Variants in CYP7B1 observed in about 807,000 individuals in gnomAD.
CYP7B1 encodes the protein cytochrome P450 7B1.
CYP7B1 carries 29 observed loss-of-function variants against 42.7 expected under a neutral mutation model. The ratio of observed to expected loss-of-function variants is 0.68; its 90% CI spans 0.51 to 0.93. The LOEUF (loss-of-function observed/expected upper bound fraction) is 0.93. Ranked by LOEUF, CYP7B1 falls within the 40% of genes least tolerant of loss-of-function variation. CYP7B1 has a pLI of 0.00. For missense variants in CYP7B1, 655 were observed against 600.5 expected (o/e 1.09, Z -0.95); for synonymous variants, 235 against 218.2 (o/e 1.08, Z -0.68).
At chr8:64,673,073 A>T (rs1244748662) in intron 1 of CYP7B1, among the ~76,000 whole-genome samples, 3 of 152,164 alleles carry the variant, frequency 2.0e-5, no homozygotes, top group Non-Finnish European at 2.9e-5. Context: ...TAAAGGCACA[A>T]GCTACATACC....
At chr8:64,598,944 TATTTGCA>T (rs1408008332) in intron 5 of CYP7B1, among the ~76,000 whole-genome samples, 2 of 152,242 alleles carry the variant, frequency 1.3e-5, no homozygotes, top group Admixed American at 1.3e-4. Flanking sequence ...AGTTAAAATT[TATTTGCA>T]ATTTGCCCTA....
intron 1 of CYP7B1, among the ~76,000 whole-genome samples, chr8:64,682,671 C>T (rs1806556798): frequency 6.6e-6 from 1 of 152,168 alleles, no homozygotes; most frequent in African/African-American, 2.4e-5. Flanking sequence ...ACTCAGTTTT[C>T]AAACATCTGC....
chr8:64,794,689 T>A (rs182507926), intron 1 of CYP7B1, among the ~76,000 whole-genome samples: 203 of 152,308 alleles, frequency 1.3e-3, no homozygotes, highest in Non-Finnish European at 1.3e-3. Flanking sequence ...ACCATCACCT[T>A]GGGAGTTAGG....
chr8:64,690,820 T>A (rs1377216575), intron 1 of CYP7B1, among the ~76,000 whole-genome samples: 1 of 152,206 alleles, frequency 6.6e-6, no homozygotes, highest in Non-Finnish European at 1.5e-5. Context: ...GATACAAACA[T>A]CCCCAGGCAT....
chr8:64,618,620 GTCTC>G (rs1246377676), intron 2 of CYP7B1, among the ~76,000 whole-genome samples: 4 of 120,092 alleles, frequency 3.3e-5, no homozygotes, highest in African/African-American at 6.8e-5. Context: ...CTCTCCCTCT[GTCTC>G]TCTATTTCCT....
At chr8:64,589,646 T>C (rs1322199075), downstream of CYP7B1, among the ~76,000 whole-genome samples, 1 of 152,322 alleles carries the variant, frequency 6.6e-6, no homozygotes, top group East Asian at 1.9e-4. Flanking sequence ...ATGACACAGA[T>C]TTTTTGGTAA....
At chr8:64,666,387 A>T (rs1274814104) in intron 1 of CYP7B1, among the ~76,000 whole-genome samples, 1 of 152,206 alleles carries the variant, frequency 6.6e-6, no homozygotes, top group Admixed American at 6.5e-5. Flanking sequence ...TAACAAAAAA[A>T]TTTTAAAATA....
At chr8:64,738,879 G>C (rs112902428) in intron 1 of CYP7B1, among the ~76,000 whole-genome samples, 1 of 152,052 alleles carries the variant, frequency 6.6e-6, no homozygotes, top group African/African-American at 2.4e-5. Flanking sequence ...ACAAATTCCT[G>C]GGGGGTGAGT....
chr8:64,698,048 G>A (rs1054822693), intron 1 of CYP7B1, among the ~76,000 whole-genome samples: 9 of 152,148 alleles, frequency 5.9e-5, no homozygotes, highest in African/African-American at 2.2e-4. Context: ...AATGTTCAAC[G>A]TATACAAGAG....
intron 1 of CYP7B1, among the ~76,000 whole-genome samples, chr8:64,692,845 C>T (rs1806768528): frequency 6.6e-6 from 1 of 152,192 alleles, no homozygotes; most frequent in African/African-American, 2.4e-5. Flanking sequence ...TTCTGTAATT[C>T]TTCCAAACTG....
chr8:64,770,244 CA>C (rs1018941191), intron 1 of CYP7B1, among the ~76,000 whole-genome samples: 7 of 150,880 alleles, frequency 4.6e-5, no homozygotes, highest in African/African-American at 1.2e-4. Context: ...CTCTAAATCT[CA>C]AAAAAAAATT....
At chr8:64,710,763 G>T (rs935815901) in intron 1 of CYP7B1, among the ~76,000 whole-genome samples, 4 of 150,256 alleles carry the variant, frequency 2.7e-5, no homozygotes, top group Admixed American at 2.7e-4. Context: ...AATATAAATT[G>T]TATAAAAAGT....
At chr8:64,648,579 C>T (rs1050023895) in intron 1 of CYP7B1, among the ~76,000 whole-genome samples, 4 of 152,182 alleles carry the variant, frequency 2.6e-5, no homozygotes, top group African/African-American at 9.7e-5. Context: ...CCTTTGCTCA[C>T]TGCTATCTCT....
intron 1 of CYP7B1, among the ~76,000 whole-genome samples, chr8:64,648,653 A>G (rs1461582791): frequency 6.6e-6 from 1 of 152,336 alleles, no homozygotes; most frequent in Non-Finnish European, 1.5e-5. Flanking sequence ...GCCTCTGCTG[A>G]TAACTGGCAA....
chr8:64,790,893 T>C (rs1585916899), intron 1 of CYP7B1, among the ~76,000 whole-genome samples: 1 of 152,190 alleles, frequency 6.6e-6, no homozygotes, highest in African/African-American at 2.4e-5. Flanking sequence ...GTGGTCCTAC[T>C]GCAGTAGGGT....
intron 1 of CYP7B1, among the ~76,000 whole-genome samples, chr8:64,752,308 G>A (rs1362074535): frequency 6.6e-6 from 1 of 152,004 alleles, no homozygotes; most frequent in East Asian, 1.9e-4. Flanking sequence ...CTTACAAACA[G>A]GTCTACATAT....
At chr8:64,723,889 C>T (rs774396291) in intron 1 of CYP7B1, among the ~76,000 whole-genome samples, 3 of 152,006 alleles carry the variant, frequency 2.0e-5, no homozygotes, top group African/African-American at 4.8e-5. Context: ...TCTGTTAAAG[C>T]TACACCAGTT....
intron 1 of CYP7B1, among the ~76,000 whole-genome samples, chr8:64,702,414 T>C (rs1322199715): frequency 6.6e-6 from 1 of 152,122 alleles, no homozygotes; most frequent in Non-Finnish European, 1.5e-5. Flanking sequence ...AGGTCATTCA[T>C]TACTGAAAAC....
chr8:64,599,228 G>A (rs1366331261), intron 5 of CYP7B1, among the ~76,000 whole-genome samples: 6 of 151,616 alleles, frequency 4.0e-5, no homozygotes, highest in South Asian at 2.1e-4. Context: ...TCGCTCTGTC[G>A]CCCAGGTTGG....
Sources: allele counts gnomAD v4.1 joint callset (sites outside exome capture counted in the v4.1 genomes callset), GRCh38; gene constraint gnomAD v4.1.1; transcripts MANE v1.5; gene names NCBI Gene and HGNC (gene_info 2026-07-23, HGNC 2026-07-21).